The following RTN4 variants were observed in gnomAD, a reference collection of about 807,000 sequenced individuals.
RTN4 encodes reticulon-4.
A neutral mutation model predicts 90.4 loss-of-function variants in RTN4; 32 were observed. The ratio of observed to expected loss-of-function variants is 0.35; its 90% confidence interval spans 0.27 to 0.48. RTN4 has a LOEUF of 0.48. RTN4 is among the 20% of genes least tolerant of loss of function. The pLI, the probability that RTN4 is intolerant of heterozygous loss-of-function variation, is 0.99. For missense variants in RTN4, 1,706 were observed against 1,430.2 expected, an observed-to-expected ratio of 1.19 and a Z score of -3.11; for synonymous variants, 629 against 552.5, an observed-to-expected ratio of 1.14 and a Z score of -1.94.
intron 1 of RTN4, among the ~76,000 whole-genome samples, chr2:55,046,459 G>A (rs1185718488): frequency 1.3e-5 from 2 of 152,004 alleles, no homozygotes; most frequent in Admixed American, 6.6e-5. Flanking sequence ...GAAGTTGCTT[G>A]GAAATGTTTT....
At chr2:55,133,562 G>A in the RTN4 span, among the ~76,000 whole-genome samples, 1 of 152,154 alleles carries the variant, frequency 6.6e-6, no homozygotes, top group African/African-American at 2.4e-5. Flanking sequence ...TAGAACTACT[G>A]TTCCTCACAA....
chr2:55,077,009 GTTC>G (rs1668614172), intron 2 of RTN4, among the ~76,000 whole-genome samples: 1 of 76,644 alleles, frequency 1.3e-5, no homozygotes, highest in Non-Finnish European at 2.3e-5. Context: ...GTCTCAGGCA[GTTC>G]TTTTTTTTTT....
intron 1 of RTN4, among the ~76,000 whole-genome samples, chr2:55,092,273 T>G (rs1246546212): frequency 6.6e-6 from 1 of 151,508 alleles, no homozygotes; most frequent in Non-Finnish European, 1.5e-5. Flanking sequence ...TTCCCTCTTG[T>G]TGCCCAGGCT....
chr2:55,012,849 G>GA (rs1312416750), intron 3 of RTN4, among the ~76,000 whole-genome samples: 1 of 152,066 alleles, frequency 6.6e-6, no homozygotes. Flanking sequence ...TTCCAGCTGA[G>GA]AAAAATGTAC....
the RTN4 span, among the ~76,000 whole-genome samples, chr2:55,121,885 C>T: frequency 1.3e-5 from 2 of 152,084 alleles, no homozygotes; most frequent in African/African-American, 2.4e-5. Flanking sequence ...CTATATTTAA[C>T]TTTTTTTCTG....
chr2:54,974,155 A>AC (rs1469661209), intron 6 of RTN4: 5 of 338,238 alleles, frequency 1.5e-5, no homozygotes, highest in African/African-American at 4.3e-5. Flanking sequence ...TTATGACTGC[A>AC]CCATCATATA....
chr2:55,123,431 A>C, the RTN4 span, among the ~76,000 whole-genome samples: 1 of 152,188 alleles, frequency 6.6e-6, no homozygotes, highest in Non-Finnish European at 1.5e-5. Context: ...TAAGAGCTCC[A>C]GTAACAATTG....
At chr2:54,985,950 TTAA>T (rs1678524421) in intron 4 of RTN4, among the ~76,000 whole-genome samples, 1 of 152,218 alleles carries the variant, frequency 6.6e-6, no homozygotes, top group South Asian at 2.1e-4. Context: ...TGCAAAACAA[TTAA>T]CATTTCAAAG....
chr2:55,001,276 G>A (rs1302607283), intron 3 of RTN4, among the ~76,000 whole-genome samples: 2 of 151,986 alleles, frequency 1.3e-5, no homozygotes, highest in South Asian at 4.2e-4. Flanking sequence ...AATTAAAATC[G>A]TTGTAAACAC....
the RTN4 span, among the ~76,000 whole-genome samples, chr2:55,119,457 C>G: frequency 1.3e-5 from 2 of 152,162 alleles, no homozygotes; most frequent in African/African-American, 2.4e-5. Context: ...GAACAGAGAG[C>G]TCGTGTGATA....
chr2:55,019,402 T>C (rs1371961863), intron 3 of RTN4, among the ~76,000 whole-genome samples: 2 of 152,180 alleles, frequency 1.3e-5, no homozygotes, highest in Non-Finnish European at 2.9e-5. Flanking sequence ...CTCCTCAGAC[T>C]GCTTATCATC....
At chr2:55,019,578 C>A (rs1681282086) in intron 3 of RTN4, among the ~76,000 whole-genome samples, 1 of 152,062 alleles carries the variant, frequency 6.6e-6, no homozygotes, top group Admixed American at 6.6e-5. Context: ...GAACCCATAG[C>A]CTCAAATTAA....
intron 2 of RTN4, among the ~76,000 whole-genome samples, chr2:55,063,092 G>A (rs959021220): frequency 1.3e-4 from 20 of 152,048 alleles, no homozygotes; most frequent in African/African-American, 4.4e-4. Context: ...TCTAAACTTC[G>A]TTTATATGAG....
chr2:54,984,284 T>C (rs988851128), intron 4 of RTN4, among the ~76,000 whole-genome samples: 7 of 152,226 alleles, frequency 4.6e-5, no homozygotes, highest in Admixed American at 4.6e-4. Context: ...CATGTATACT[T>C]GTATATTTTT....
At chr2:54,987,953 T>C (rs1277608922) in intron 3 of RTN4, among the ~76,000 whole-genome samples, 1 of 152,258 alleles carries the variant, frequency 6.6e-6, no homozygotes, top group Non-Finnish European at 1.5e-5. Flanking sequence ...CAAATCATTC[T>C]AGCCATACAC....
chr2:55,030,600 T>G (rs1293350462), intron 1 of RTN4, among the ~76,000 whole-genome samples: 1 of 152,120 alleles, frequency 6.6e-6, no homozygotes, highest in Non-Finnish European at 1.5e-5. Context: ...AGTACCCACC[T>G]AAAAATGTTG....
chr2:55,026,133 G>C lies in RTN4; in HGVS notation c.1966C>G (p.Pro656Ala), dbSNP rs764774320. 3.1e-6 allele frequency: 5 copies of C among 1,613,234 alleles called. No individual in the cohort carries two copies. Among genetic ancestry groups the C allele is most frequent in the African/African-American group, 1.3e-5 (1 of 74,840 alleles). The change falls in exon 3 of 9, where the codon CCC becomes GCC. Residue 656 changes from proline (P) to alanine (A), a missense_variant. By Grantham distance (27) the Pro-to-Ala change is conservative (BLOSUM62 -1). Transcript: ENST00000337526. ...YESIKHEPENPPPYEEAMSVS... is the reference protein window; with the variant it reads ...YESIKHEPENAPPYEEAMSVS... ...CTCATGGCCTCTTCATATGGTGGGG[G>C]GTTTTCAGGCTCATGTTTTATGCTT...
chr2:55,120,233 G>A, the RTN4 span, among the ~76,000 whole-genome samples: 1 of 152,220 alleles, frequency 6.6e-6, no homozygotes, highest in South Asian at 2.1e-4. Flanking sequence ...AGGAAGCAAA[G>A]GTTCTTAGAA....
At chr2:54,974,156 C>T (rs1211518602) in intron 6 of RTN4, 9 of 335,568 alleles carry the variant, frequency 2.7e-5, no homozygotes, top group Non-Finnish European at 4.4e-5. Flanking sequence ...TATGACTGCA[C>T]CATCATATAA....
Sources: gnomAD v4.1 joint callset for allele counts (sites outside exome capture counted in the v4.1 genomes callset) on GRCh38, gnomAD v4.1.1 for gene constraint, MANE v1.5 for transcripts, NCBI Gene and HGNC (gene_info 2026-07-23, HGNC 2026-07-21) for gene names.